Variants in ABLIM1 observed in about 807,000 individuals in gnomAD.
ABLIM1 encodes the protein actin binding LIM protein 1.
In ABLIM1, 40 loss-of-function variants were observed where a neutral mutation model predicts 107.0. The ratio of observed to expected loss-of-function variants is 0.37; its 90% CI spans 0.29 to 0.49. The LOEUF is 0.49. Among genes scored for constraint, ABLIM1 ranks in the 20% least tolerant of loss-of-function variants. The probability of loss-of-function intolerance (pLI) is 0.97; values close to 1 mark genes in which losing one functional copy is unlikely to be tolerated. For missense variants in ABLIM1, 857 were observed against 1,008.5 expected (o/e 0.85, Z 2.04); for synonymous variants, 357 against 357.3 (o/e 1.00, Z 0.01).
intron 21 of ABLIM1, among the ~76,000 whole-genome samples, chr10:114,438,361 G>A (rs111860742): frequency 2.2e-4 from 34 of 152,268 alleles, no homozygotes; most frequent in African/African-American, 7.9e-4. Flanking sequence ...TCAGGCCCAG[G>A]TGACCCTCCT....
chr10:114,760,404 TCACACACACACA>T (rs3981296), intron 1 of ABLIM1, among the ~76,000 whole-genome samples: 9,747 of 143,610 alleles, frequency 0.068, 358 homozygotes, highest in Middle Eastern at 0.085. Context: ...AATTTCTCCT[TCACACACACACA>T]CACACACACA....
At chr10:114,763,405 G>C (rs1007339023) in intron 1 of ABLIM1, among the ~76,000 whole-genome samples, 1 of 83,112 alleles carries the variant, frequency 1.2e-5, no homozygotes, top group Non-Finnish European at 2.8e-5. Context: ...TACATTGATA[G>C]TGATTTTTTT....
chr10:114,653,309 A>G lies in ABLIM1; in HGVS notation c.244+4648T>C, dbSNP rs7072232. Among the ~76,000 whole-genome samples the G allele has an allele frequency of 4.4e-3, 663 of 152,350 alleles. 4 individuals are homozygous for G. The highest frequency in any genetic ancestry group is 0.015 in the African/African-American group (642 of 41,574). On this transcript the variant is annotated intron_variant, in intron 1 of 22. Transcript: ENST00000533213. Reference sequence around the variant, plus strand: ...GTAATCTCAACACTTTGGGAAGCCAAAGCAGGAGGACTGTTGGAGGTCAGG... The same window carrying G: ...GTAATCTCAACACTTTGGGAAGCCAGAGCAGGAGGACTGTTGGAGGTCAGG...
chr10:114,658,147 T>C lies in ABLIM1; in HGVS notation c.54A>G (p.Lys18=). The C allele has an allele frequency of 1.9e-6, 3 of 1,614,070 alleles. No individual in the cohort carries two copies. Among genetic ancestry groups the C allele is most frequent in the Non-Finnish European group, 2.5e-6 (3 of 1,179,960 alleles). The change falls in exon 1 of 23, where the codon AAA becomes AAG. Residue 18 remains lysine (K), a synonymous_variant. Transcript: ENST00000533213. ...KCLGKLCSSE[K]SKVTSSERTS... ...TTCTCTCAGATGAGGTGACTTTGCT[T>C]TTCTCAGAGCTGCACAATTTCCCCA...
At chr10:114,648,294 C>T (rs753411368) in intron 1 of ABLIM1, among the ~76,000 whole-genome samples, 2 of 152,044 alleles carry the variant, frequency 1.3e-5, no homozygotes, top group African/African-American at 2.4e-5. Context: ...CATCGGCTGA[C>T]GAAAAGATAA....
chr10:114,587,509 T>C (rs916800872), intron 2 of ABLIM1, among the ~76,000 whole-genome samples: 3 of 152,202 alleles, frequency 2.0e-5, no homozygotes, highest in Non-Finnish European at 4.4e-5. Flanking sequence ...AAATAACATA[T>C]AAAACTACTT....
At chr10:114,638,622 T>TACACACAC (rs59605861) in intron 1 of ABLIM1, among the ~76,000 whole-genome samples, 34 of 143,844 alleles carry the variant, frequency 2.4e-4, no homozygotes, top group African/African-American at 7.7e-4. Context: ...ATGCCCTGCC[T>TACACACAC]ACACACACAC....
chr10:114,622,392 G>T (rs2077526664), intron 1 of ABLIM1, among the ~76,000 whole-genome samples: 1 of 151,748 alleles, frequency 6.6e-6, no homozygotes, highest in South Asian at 2.1e-4. Context: ...GGGACTACAG[G>T]CACACACCAC....
chr10:114,684,766 C>T, exon 1 of ABLIM1: 2 of 976,364 alleles, frequency 2.0e-6, no homozygotes, highest in Non-Finnish European at 2.4e-6. Flanking sequence ...ATTTTGATCA[C>T]TATCATTTCA....
chr10:114,755,479 C>T (rs954401145), intron 1 of ABLIM1, among the ~76,000 whole-genome samples: 1 of 152,210 alleles, frequency 6.6e-6, no homozygotes, highest in Non-Finnish European at 1.5e-5. Flanking sequence ...GAGGCGGGGA[C>T]TATACCTTAC....
chr10:114,607,736 A>C (rs1248171655), intron 1 of ABLIM1, among the ~76,000 whole-genome samples: 1 of 152,228 alleles, frequency 6.6e-6, no homozygotes, highest in Non-Finnish European at 1.5e-5. Context: ...AACACCTGAC[A>C]AGTACTCTTC....
chr10:114,569,816 T>C (rs2071384610), intron 4 of ABLIM1, among the ~76,000 whole-genome samples: 1 of 152,308 alleles, frequency 6.6e-6, no homozygotes, highest in East Asian at 1.9e-4. Context: ...TTTGTAGCTG[T>C]CATCCTACCC....
At chr10:114,718,304 AAG>A (rs986492888) in intron 1 of ABLIM1, among the ~76,000 whole-genome samples, 1 of 152,112 alleles carries the variant, frequency 6.6e-6, no homozygotes, top group Non-Finnish European at 1.5e-5. Flanking sequence ...GCCAGCCCCA[AAG>A]AGTTAAGTGA....
chr10:114,739,525 G>A (rs1418599323), intron 1 of ABLIM1, among the ~76,000 whole-genome samples: 1 of 152,142 alleles, frequency 6.6e-6, no homozygotes, highest in Non-Finnish European at 1.5e-5. Context: ...CAAAAGCATT[G>A]TTTGAAAGTA....
intron 10 of ABLIM1, 66 bp downstream of exon 10, chr10:114,472,908 AGTT>A: frequency 2.1e-6 from 3 of 1,411,520 alleles, no homozygotes; most frequent in Non-Finnish European, 2.8e-6. Flanking sequence ...TCCAAATGGT[AGTT>A]ATTACAAATG....
intron 6 of ABLIM1, among the ~76,000 whole-genome samples, chr10:114,538,798 G>A (rs552846327): frequency 7.2e-5 from 11 of 152,304 alleles, no homozygotes; most frequent in East Asian, 1.9e-4. Context: ...GACGAGGGCC[G>A]AGCGCCTTTG....
At chr10:114,643,028 T>C (rs1442660437) in intron 1 of ABLIM1, among the ~76,000 whole-genome samples, 1 of 152,076 alleles carries the variant, frequency 6.6e-6, no homozygotes, top group East Asian at 1.9e-4. Flanking sequence ...CAGAAAGGTG[T>C]TCAGGAAGCA....
At chr10:114,437,946 C>T (rs1565196646) in intron 21 of ABLIM1, 22 bp from the exon 22 acceptor site, 3 of 1,597,254 alleles carry the variant, frequency 1.9e-6, no homozygotes, top group Non-Finnish European at 2.6e-6. Context: ...GAAAACACCT[C>T]TTCTAGAACA....
intron 6 of ABLIM1, among the ~76,000 whole-genome samples, chr10:114,539,586 C>G (rs2066414615): frequency 6.6e-6 from 1 of 152,090 alleles, no homozygotes; most frequent in South Asian, 2.1e-4. Flanking sequence ...TTTGGGAGTC[C>G]TTACTTGATT....
Sources: allele counts gnomAD v4.1 joint callset (sites outside exome capture counted in the v4.1 genomes callset), GRCh38; gene constraint gnomAD v4.1.1; transcripts MANE v1.5; gene names NCBI Gene and HGNC (gene_info 2026-07-23, HGNC 2026-07-21).